The following VWA8 variants were observed in gnomAD, a reference collection of about 807,000 sequenced individuals.
The protein encoded by VWA8 is von Willebrand factor A domain-containing protein 8.
Under a neutral mutation model 241.5 loss-of-function variants are expected in VWA8, and 221 were observed. That is an observed-to-expected ratio of 0.91 (90% confidence interval 0.82 to 1.02). The LOEUF (loss-of-function observed/expected upper bound fraction) is 1.02. Ranked by LOEUF, VWA8 falls within the 50% of genes least tolerant of loss-of-function variation. The probability of loss-of-function intolerance (pLI) is 0.00; values close to 1 mark genes in which losing one functional copy is unlikely to be tolerated. For synonymous variants in VWA8, 852 were observed against 827.1 expected (o/e 1.03, Z -0.52); for missense variants, 2,322 against 2,328.7 (o/e 1.00, Z 0.06).
At chr13:41,905,668 AG>A (rs1875675433) in intron 4 of VWA8, among the ~76,000 whole-genome samples, 1 of 152,078 alleles carries the variant, frequency 6.6e-6, no homozygotes. Flanking sequence ...AACATTTTTT[AG>A]GAGTCCAAGT....
chr13:41,885,001 A>C (rs1223895014), intron 8 of VWA8, among the ~76,000 whole-genome samples: 2 of 152,128 alleles, frequency 1.3e-5, no homozygotes, highest in Admixed American at 6.6e-5. Context: ...CCTCCTCCAC[A>C]GGGTCTCACT....
At chr13:41,941,937 C>T (rs1201959642) in intron 2 of VWA8, among the ~76,000 whole-genome samples, 1 of 152,142 alleles carries the variant, frequency 6.6e-6, no homozygotes, top group African/African-American at 2.4e-5. Flanking sequence ...TCCTACAGAA[C>T]TCAAATTACA....
At chr13:41,808,341 T>C (rs1412212832) in intron 17 of VWA8, among the ~76,000 whole-genome samples, 2 of 152,172 alleles carry the variant, frequency 1.3e-5, no homozygotes, top group Admixed American at 6.5e-5. Context: ...CATGGTGCTG[T>C]ACAGGACACA....
intron 12 of VWA8, among the ~76,000 whole-genome samples, chr13:41,863,593 C>G (rs889885435): frequency 1.3e-5 from 2 of 151,336 alleles, no homozygotes; most frequent in Non-Finnish European, 2.9e-5. Context: ...CAACAGTGGA[C>G]TAGATGAAGA....
chr13:41,605,642 C>A (rs2044549052), intron 39 of VWA8, among the ~76,000 whole-genome samples: 1 of 152,076 alleles, frequency 6.6e-6, no homozygotes, highest in Non-Finnish European at 1.5e-5. Context: ...TGGTACACAC[C>A]ATTGCTATAT....
rs764403148 is a variant in VWA8, at chr13:41,611,730, C to T, written c.4723G>A (p.Gly1575Arg). ...CCACCCAGGCCTGCCGTGTCTCTTC[C>T]CCCTGGAAGGAAAACGTGGAAATTC... ...GGNTWAGGTG[G>R]RDTAGLGGKG... Residue 1575 changes from glycine (G) to arginine (R), a missense_variant and splice_region_variant, in exon 39 of 45, where the codon GGA becomes AGA. Coordinates refer to ENST00000379310, the MANE Select transcript of VWA8 (RefSeq NM_015058.2). The T allele has an allele frequency of 1.2e-6, 2 of 1,613,292 alleles. No homozygotes were observed. Among genetic ancestry groups the T allele is most frequent in the Non-Finnish European group, 1.7e-6 (2 of 1,179,706 alleles).
chr13:41,890,325 C>T (rs1437921438), intron 5 of VWA8, among the ~76,000 whole-genome samples: 2 of 152,186 alleles, frequency 1.3e-5, no homozygotes, highest in Admixed American at 1.3e-4. Flanking sequence ...GTAAGATTAG[C>T]ACATATGTAT....
intron 12 of VWA8, among the ~76,000 whole-genome samples, chr13:41,834,652 C>T (rs1430777809): frequency 6.6e-6 from 1 of 152,112 alleles, no homozygotes; most frequent in Non-Finnish European, 1.5e-5. Context: ...ATTAGTTCAA[C>T]CATTGTGGAA....
intron 25 of VWA8, 86 bp from the exon 26 acceptor site, chr13:41,719,828 A>G: frequency 7.8e-7 from 1 of 1,285,192 alleles, no homozygotes; most frequent in Non-Finnish European, 1.0e-6. Context: ...GACAATAATG[A>G]TCAAATGAAC....
chr13:41,779,603 C>T (rs558143588), intron 19 of VWA8, among the ~76,000 whole-genome samples: 1 of 152,168 alleles, frequency 6.6e-6, no homozygotes, highest in South Asian at 2.1e-4. Flanking sequence ...GTTAAGCAAA[C>T]CAAGATATAC....
chr13:41,623,196 C>T (rs539100866), intron 37 of VWA8, among the ~76,000 whole-genome samples: 1 of 152,232 alleles, frequency 6.6e-6, no homozygotes, highest in African/African-American at 2.4e-5. Context: ...TACACATACA[C>T]CCACTTCCTG....
At chr13:41,940,403 T>C (rs1877543841) in intron 2 of VWA8, among the ~76,000 whole-genome samples, 1 of 151,988 alleles carries the variant, frequency 6.6e-6, no homozygotes, top group Admixed American at 6.6e-5. Flanking sequence ...CCAAAGTACT[T>C]TAAAATACTT....
chr13:41,590,063 GC>G (rs138011633), intron 41 of VWA8, among the ~76,000 whole-genome samples: 1 of 152,124 alleles, frequency 6.6e-6, no homozygotes, highest in African/African-American at 2.4e-5. Context: ...TTTTCCCTTG[GC>G]CCCTACAATC....
At chr13:41,893,771 C>T (rs181882189) in intron 4 of VWA8, among the ~76,000 whole-genome samples, 2 of 152,226 alleles carry the variant, frequency 1.3e-5, no homozygotes, top group East Asian at 3.9e-4. Flanking sequence ...GTAATCCTAG[C>T]TACGTGGGAG....
At chr13:41,648,908 G>C (rs1170571625) in intron 37 of VWA8, among the ~76,000 whole-genome samples, 2 of 152,206 alleles carry the variant, frequency 1.3e-5, no homozygotes, top group East Asian at 3.8e-4. Flanking sequence ...TAGGGGCTGA[G>C]TACGGTGGCT....
chr13:41,660,652 T>C (rs1156569093), intron 37 of VWA8, among the ~76,000 whole-genome samples: 1 of 152,162 alleles, frequency 6.6e-6, no homozygotes, highest in Admixed American at 6.5e-5. Context: ...ATGGGATACC[T>C]AATCAACTCA....
At chr13:41,714,184 TA>T (rs2045334863) in intron 26 of VWA8, among the ~76,000 whole-genome samples, 1 of 152,012 alleles carries the variant, frequency 6.6e-6, no homozygotes, top group African/African-American at 2.4e-5. Context: ...AGCCAACATC[TA>T]AAAAACTTTT....
chr13:41,709,824 G>A (rs1428826322), intron 26 of VWA8, among the ~76,000 whole-genome samples: 1 of 149,278 alleles, frequency 6.7e-6, no homozygotes. Context: ...CAGCTGGAGT[G>A]CAATGGCTAT....
intron 15 of VWA8, among the ~76,000 whole-genome samples, chr13:41,817,447 T>C (rs1328009860): frequency 6.6e-6 from 1 of 152,172 alleles, no homozygotes; most frequent in Non-Finnish European, 1.5e-5. Context: ...GTTTTAATTT[T>C]AAAAGATCAA....
Sources: gnomAD v4.1 joint callset for allele counts (sites outside exome capture counted in the v4.1 genomes callset) on GRCh38, gnomAD v4.1.1 for gene constraint, MANE v1.5 for transcripts, NCBI Gene and HGNC (gene_info 2026-07-23, HGNC 2026-07-21) for gene names.